Variants in INTS14 observed in about 807,000 individuals in gnomAD.
INTS14 encodes UPF0464 protein C15orf44.
INTS14 carries 27 observed loss-of-function variants against 56.9 expected under a neutral mutation model. The observed-to-expected ratio is 0.47, with a 90% confidence interval of 0.35 to 0.65. The LOEUF is 0.65. Among genes scored for constraint, INTS14 ranks in the 30% least tolerant of loss-of-function variants. INTS14 has a pLI of 0.00. For missense variants in INTS14, 517 were observed against 632.2 expected, an observed-to-expected ratio of 0.82 and a Z score of 1.95; for synonymous variants, 207 against 236.2, an observed-to-expected ratio of 0.88 and a Z score of 1.13.
Position 65,599,826 on chromosome 15 carries a change from G to T in INTS14, c.434C>A (p.Pro145His). The change falls in exon 4 of 12, where the codon CCT (proline) becomes CAT (histidine). Residue 145 changes from proline (P) to histidine (H), a missense_variant. Physicochemically the swap from Pro to His is moderately conservative, Grantham distance 77. Coordinates refer to ENST00000313182, the MANE Select transcript of INTS14 (RefSeq NM_001394796.1). ...QRSESNRFPL[P>H]FPFPSKLYIM... ...ATATAACTTAGATGGGAAAGGAAAA[G>T]GTAGTGGAAACCTGTTGCTCTCACT... 1 of 1,614,206 alleles carries T rather than the reference G, an allele frequency of 6.2e-7. No homozygotes were observed. Among genetic ancestry groups the T allele is most frequent in the Non-Finnish European group, 8.5e-7 (1 of 1,180,038 alleles).
At chr15:65,610,787 T>C (rs2073898121) in intron 1 of INTS14, 1 of 1,535,472 alleles carries the variant, frequency 6.5e-7, no homozygotes, top group African/African-American at 1.4e-5. Flanking sequence ...CTGGGAGATG[T>C]ATTTTTACCT....
chr15:65,582,322 T>C (rs1282525921), intron 10 of INTS14, among the ~76,000 whole-genome samples: 2 of 152,036 alleles, frequency 1.3e-5, no homozygotes, highest in African/African-American at 2.4e-5. Flanking sequence ...GGGGAAAAAA[T>C]AGTCTCTTCA....
At chr15:65,587,621 T>C (rs1247886692) in intron 9 of INTS14, among the ~76,000 whole-genome samples, 2 of 151,546 alleles carry the variant, frequency 1.3e-5, no homozygotes, top group East Asian at 3.9e-4. Flanking sequence ...TGTAGGTGGG[T>C]GGGAGATGGT....
chr15:65,607,893 T>C (rs2141333938), intron 1 of INTS14, among the ~76,000 whole-genome samples: 1 of 152,328 alleles, frequency 6.6e-6, no homozygotes, highest in African/African-American at 2.4e-5. Flanking sequence ...ATTTTGTTGG[T>C]TGGTGCTCTT....
At chr15:65,609,604 T>A (rs1373979751) in intron 1 of INTS14, among the ~76,000 whole-genome samples, 1 of 152,192 alleles carries the variant, frequency 6.6e-6, no homozygotes, top group Non-Finnish European at 1.5e-5. Flanking sequence ...ATATACCATA[T>A]ATTATTTAGC....
At chr15:65,582,728 T>G (rs531310442) in intron 10 of INTS14, among the ~76,000 whole-genome samples, 1 of 152,138 alleles carries the variant, frequency 6.6e-6, no homozygotes, top group African/African-American at 2.4e-5. Flanking sequence ...CCAAAAACTT[T>G]GTGTATCAAA....
chr15:65,610,932 G>A (rs1026153802), intron 1 of INTS14, 166 bp downstream of exon 1: 2 of 1,464,570 alleles, frequency 1.4e-6, no homozygotes, highest in African/African-American at 1.4e-5. Flanking sequence ...AGGGGAGGCC[G>A]GGAGCAGCGC....
chr15:65,598,981 T>C lies in INTS14; in HGVS notation c.496A>G (p.Thr166Ala). Residue 166 changes from threonine to alanine, a missense_variant, in exon 5 of 12, where the codon ACC becomes GCC. By Grantham distance (58) the Thr-to-Ala change is moderately conservative (BLOSUM62 0). Coordinates refer to ENST00000313182, the MANE Select transcript of INTS14 (RefSeq NM_001394796.1). ...CMANLEELQS[T>A]DSLECLERLI... The stretch of plus-strand genomic sequence containing the variant: ...CGTTCAAGGCATTCCAAGGAATCGG[T>C]GCTCTGGAGCTATAAAGCAAAACAG... 6.2e-7 allele frequency: 1 copy of C among 1,613,408 alleles called. No homozygotes were observed. Among genetic ancestry groups the C allele is most frequent in the Non-Finnish European group, 8.5e-7 (1 of 1,179,676 alleles).
chr15:65,589,042 A>C (rs750531067), intron 9 of INTS14, among the ~76,000 whole-genome samples: 11 of 152,272 alleles, frequency 7.2e-5, no homozygotes, highest in Non-Finnish European at 1.6e-4. Flanking sequence ...AACTGGAATG[A>C]AGAACAATTG....
intron 9 of INTS14, among the ~76,000 whole-genome samples, chr15:65,590,462 A>G (rs988350525): frequency 6.6e-6 from 1 of 151,996 alleles, no homozygotes; most frequent in African/African-American, 2.4e-5. Context: ...GCTACTACCA[A>G]TCTCCAATCT....
rs566859745 is a variant in INTS14, at chr15:65,610,720, C to G, written c.-63+378G>C. Reference sequence around the variant, plus strand: ...GGCTTTCCCGTCAGCCTCCGGGAGTCCCTCCCCAGTTCTCAGATATAATTT... The same window carrying G: ...GGCTTTCCCGTCAGCCTCCGGGAGTGCCTCCCCAGTTCTCAGATATAATTT... On this transcript the variant is annotated intron_variant, in intron 1 of 11. Coordinates refer to ENST00000313182, the MANE Select transcript of INTS14 (RefSeq NM_001394796.1). 20 of 1,535,692 alleles carry G rather than the reference C, an allele frequency of 1.3e-5. No homozygotes were observed. In the African/African-American group the frequency reaches 2.2e-4, roughly 17 times the overall value.
At chr15:65,599,207 A>C (rs2073336433) in intron 4 of INTS14, among the ~76,000 whole-genome samples, 1 of 152,238 alleles carries the variant, frequency 6.6e-6, no homozygotes, top group Non-Finnish European at 1.5e-5. Context: ...TATTTCATTC[A>C]GGAGTAGTTT....
chr15:65,607,008 G>A, intron 2 of INTS14, 151 bp downstream of exon 2: 1 of 940,878 alleles, frequency 1.1e-6, no homozygotes, highest in Non-Finnish European at 1.6e-6. Flanking sequence ...AGACCTACTG[G>A]TTGTGAATTC....
At chr15:65,596,504 T>C (rs574472440) in intron 6 of INTS14, among the ~76,000 whole-genome samples, 95 of 152,344 alleles carry the variant, frequency 6.2e-4, no homozygotes, top group Non-Finnish European at 1.1e-3. Context: ...TCAGTCTTTC[T>C]TCTAGATTAA....
chr15:65,603,127 A>G (rs1258391395), intron 3 of INTS14, among the ~76,000 whole-genome samples: 1 of 152,224 alleles, frequency 6.6e-6, no homozygotes, highest in Middle Eastern at 3.2e-3. Flanking sequence ...ATTTACCAAA[A>G]TAAGTAATGC....
Position 65,598,914 on chromosome 15 carries a change from A to G in INTS14, c.563T>C (p.Ile188Thr). 6.2e-7 allele frequency: 1 copy of G among 1,614,064 alleles called. No individual in the cohort carries two copies. The highest frequency in any genetic ancestry group is 8.5e-7 in the Non-Finnish European group (1 of 1,179,948). The change falls in exon 5 of 12, where the codon ATT becomes ACT. Residue 188 changes from isoleucine to threonine, a missense_variant. Transcript: ENST00000313182. ...ATTCTTCAAGCACAGGGGGCCATCA[A>G]TAGTAAAAATCTGCCCTTCACCATT... ...LNNGEGQIFT[I>T]DGPLCLKNVQ... is the part of the protein sequence containing the mutation.
chr15:65,580,176 G>A (rs1427237419), intron 11 of INTS14, among the ~76,000 whole-genome samples: 4 of 152,056 alleles, frequency 2.6e-5, no homozygotes, highest in South Asian at 4.1e-4. Context: ...AATATGAAGT[G>A]CCCCAACAAC....
Position 65,598,358 on chromosome 15 carries a change from A to G in INTS14, c.711T>C (p.Asp237=), listed in dbSNP as rs1267526404. 1 of 1,614,124 alleles carries G rather than the reference A, an allele frequency of 6.2e-7. No homozygotes were observed. Among genetic ancestry groups the G allele is most frequent in the South Asian group, 1.1e-5 (1 of 91,078 alleles). The part of the protein sequence containing the change: ...VFPRPEPFVV[D]EEIDPIPKVI... ...CTTTAGGGATAGGATCAATTTCTTC[A>G]TCTACAACAAAAGGTTCTGGCCTGG... is the stretch of plus-strand genomic sequence containing the variant. The change falls in exon 6 of 12, where the codon GAT becomes GAC. Residue 237 remains aspartate, a synonymous_variant. Coordinates refer to ENST00000313182, the MANE Select transcript of INTS14 (RefSeq NM_001394796.1).
intron 9 of INTS14, among the ~76,000 whole-genome samples, chr15:65,589,359 T>C (rs2072941548): frequency 2.0e-5 from 3 of 152,222 alleles, no homozygotes; most frequent in Non-Finnish European, 2.9e-5. Context: ...GGTTTCGCTA[T>C]GTTGGCCAGG....
Sources: gnomAD v4.1 joint callset for allele counts (sites outside exome capture counted in the v4.1 genomes callset) on GRCh38, gnomAD v4.1.1 for gene constraint, MANE v1.5 for transcripts, NCBI Gene and HGNC (gene_info 2026-07-23, HGNC 2026-07-21) for gene names.